WDFY3: variants seen among roughly 807,000 people sequenced by gnomAD.
The protein encoded by WDFY3 is WD repeat and FYVE domain containing 3.
A neutral mutation model predicts 409.6 loss-of-function variants in WDFY3; 66 were observed. The ratio of observed to expected loss-of-function variants is 0.16; its 90% CI spans 0.13 to 0.20. The LOEUF (loss-of-function observed/expected upper bound fraction) is 0.20. Among genes scored for constraint, WDFY3 ranks in the 10% least tolerant of loss-of-function variants. The pLI is 1.00. For missense variants in WDFY3, 3,031 were observed against 4,298.1 expected (o/e 0.71, Z 8.24); for synonymous variants, 1,521 against 1,537.1 (o/e 0.99, Z 0.25).
chr4:84,762,924 C>T (rs1308474941), intron 32 of WDFY3, among the ~76,000 whole-genome samples: 1 of 151,646 alleles, frequency 6.6e-6, no homozygotes, highest in Non-Finnish European at 1.5e-5. Flanking sequence ...CTAGCCTGGA[C>T]CACATAACAA....
intron 53 of WDFY3, among the ~76,000 whole-genome samples, chr4:84,707,977 T>C (rs1346317621): frequency 2.0e-5 from 3 of 152,216 alleles, no homozygotes; most frequent in African/African-American, 7.2e-5. Context: ...GGATAAGCAG[T>C]CATGATTCTA....
At chr4:84,678,464 G>C (rs1375887303) in intron 65 of WDFY3, among the ~76,000 whole-genome samples, 185 bp from the exon 66 acceptor site, 1 of 152,182 alleles carries the variant, frequency 6.6e-6, no homozygotes, top group East Asian at 1.9e-4. Flanking sequence ...ATTAACATGG[G>C]CCAGGCTGGA....
Position 84,810,112 on chromosome 4 carries a change from T to C in WDFY3, c.2120A>G (p.Lys707Arg), listed in dbSNP as rs770836364. Residue 707 changes from lysine (K) to arginine (R), a missense_variant, in exon 14 of 68, where the codon AAA becomes AGA. Coordinates refer to ENST00000295888, the MANE Select transcript of WDFY3 (RefSeq NM_014991.6). ...CAACTTCTCATACTGAATCTCTGTT[T>C]TGAAGAAATGAGAGTTGGCTGGCTC... ...RYEPANSHFF[K>R]TEIQYEKLAD... 2 of 1,614,164 alleles carry C rather than the reference T, an allele frequency of 1.2e-6. No homozygotes were observed. Among genetic ancestry groups the C allele is most frequent in the Non-Finnish European group, 1.7e-6 (2 of 1,180,002 alleles).
At chr4:84,963,624 A>AATTT (rs1775220843) in intron 1 of WDFY3, among the ~76,000 whole-genome samples, 2 of 152,188 alleles carry the variant, frequency 1.3e-5, no homozygotes, top group Non-Finnish European at 2.9e-5. Context: ...CAGGGCTCTA[A>AATTT]AATCTTATGA....
rs569246629 is a variant in WDFY3, at chr4:84,715,585, T to C, written c.7876-202A>G. On this transcript the variant is annotated intron_variant, in intron 49 of 67. Coordinates refer to ENST00000295888, the MANE Select transcript of WDFY3 (RefSeq NM_014991.6). Reference sequence around the variant, plus strand: ...GTCAGGAGATCGAGACCATCCTGGCTAACACAGTGAAACCCCGTCTCTACT... The same window carrying C: ...GTCAGGAGATCGAGACCATCCTGGCCAACACAGTGAAACCCCGTCTCTACT... Among the ~76,000 whole-genome samples the C allele has an allele frequency of 5.5e-3, 838 of 151,988 alleles. 6 individuals are homozygous for C. Among genetic ancestry groups the C allele is most frequent in the Non-Finnish European group, 8.3e-3 (563 of 67,950 alleles).
intron 1 of WDFY3, among the ~76,000 whole-genome samples, chr4:84,961,325 T>C (rs1177999342): frequency 1.3e-5 from 2 of 152,116 alleles, no homozygotes; most frequent in Non-Finnish European, 2.9e-5. Context: ...TTACAGAACT[T>C]GGTGAAATCC....
At chr4:84,822,814 T>C (rs1754277269) in intron 10 of WDFY3, among the ~76,000 whole-genome samples, 1 of 152,170 alleles carries the variant, frequency 6.6e-6, no homozygotes, top group Non-Finnish European at 1.5e-5. Flanking sequence ...CTATATATGA[T>C]TTCAATTCTC....
At chr4:84,713,059 G>A in intron 51 of WDFY3, 100 bp downstream of exon 51, 1 of 1,324,358 alleles carries the variant, frequency 7.6e-7, no homozygotes, top group Non-Finnish European at 1.1e-6. Context: ...GCAACCACCA[G>A]GGGAAAAACA....
At chr4:84,941,621 T>C (rs1341167493) in intron 1 of WDFY3, among the ~76,000 whole-genome samples, 2 of 152,068 alleles carry the variant, frequency 1.3e-5, no homozygotes, top group Admixed American at 1.3e-4. Flanking sequence ...TACCTATAGA[T>C]TCAATGCAAT....
chr4:84,780,351 A>G (rs1403820402), intron 25 of WDFY3, 53 bp from the exon 26 acceptor site: 1 of 1,511,210 alleles, frequency 6.6e-7, no homozygotes, highest in African/African-American at 1.4e-5. Context: ...TGTGAACAAG[A>G]ACTGTATACA....
At chr4:84,740,119 A>T (rs1738145473) in intron 39 of WDFY3, 68 bp downstream of exon 39, 1 of 1,486,074 alleles carries the variant, frequency 6.7e-7, no homozygotes, top group Non-Finnish European at 9.3e-7. Flanking sequence ...ATCAAAAAAA[A>T]TAAAGAATTT....
At chr4:84,943,666 A>G (rs1772431914) in intron 1 of WDFY3, among the ~76,000 whole-genome samples, 1 of 152,152 alleles carries the variant, frequency 6.6e-6, no homozygotes, top group Non-Finnish European at 1.5e-5. Context: ...TAGCCCCAAC[A>G]TGGTTCAAAG....
intron 56 of WDFY3, among the ~76,000 whole-genome samples, chr4:84,700,024 T>C (rs183661449): frequency 3.9e-5 from 6 of 152,200 alleles, no homozygotes; most frequent in Admixed American, 3.3e-4. Context: ...ATTTTCTTGG[T>C]AACATTCTTG....
At position 84,810,333 on chromosome 4, in the gene WDFY3, C is replaced by G. The variant is rs575820665; in HGVS notation, c.1899G>C (p.Ser633=). The part of the protein sequence containing the change: ...LKTDILRALL[S]VLRESHRSRT... ...TTGAACGATGGCTTTCTCGAAGGAC[C>G]GACAGGAGGGCCTACAGGAGACAAA... Residue 633 remains serine, a synonymous_variant, in exon 14 of 68, where the codon TCG becomes TCC. Coordinates refer to ENST00000295888, the MANE Select transcript of WDFY3 (RefSeq NM_014991.6). 6.3e-7 allele frequency: 1 copy of G among 1,598,124 alleles called. No individual in the cohort carries two copies. Among genetic ancestry groups the G allele is most frequent in the East Asian group, 2.2e-5 (1 of 44,530 alleles).
chr4:84,704,020 G>A (rs775048058), intron 55 of WDFY3, among the ~76,000 whole-genome samples: 3 of 152,106 alleles, frequency 2.0e-5, no homozygotes, highest in Admixed American at 2.0e-4. Flanking sequence ...AATTATAATC[G>A]AGGAAACAGA....
intron 2 of WDFY3, among the ~76,000 whole-genome samples, chr4:84,900,629 G>A (rs893112849): frequency 1.3e-5 from 2 of 152,126 alleles, no homozygotes; most frequent in East Asian, 3.8e-4. Context: ...TGGTGTTCTT[G>A]AAAAAAACTA....
rs1560728557 is a variant in WDFY3, at chr4:84,775,488, G to C, written c.4519-350C>G. 3.3e-5 allele frequency among the ~76,000 whole-genome samples: 5 copies of C among 151,548 alleles called. No homozygotes were observed. The South Asian group carries it at 1.0e-3, about 32-fold the overall frequency. On this transcript the variant is annotated intron_variant, in intron 27 of 67. Transcript: ENST00000295888. ...AAATATTTAAAATGAAAAATATACT[G>C]GACGGCATTAATAGTAGATGAGATA...
At chr4:84,749,261 T>C (rs911440706) in intron 36 of WDFY3, among the ~76,000 whole-genome samples, 10 of 152,206 alleles carry the variant, frequency 6.6e-5, no homozygotes, top group African/African-American at 2.4e-4. Flanking sequence ...ATGTTTATAA[T>C]TTATTCTGTT....
intron 1 of WDFY3, among the ~76,000 whole-genome samples, chr4:84,961,102 C>G (rs567286991): frequency 6.6e-6 from 1 of 151,852 alleles, no homozygotes; most frequent in East Asian, 1.9e-4. Flanking sequence ...GTAATTCCAG[C>G]TACTCGGGTG....
Sources: allele counts gnomAD v4.1 joint callset (sites outside exome capture counted in the v4.1 genomes callset), GRCh38; gene constraint gnomAD v4.1.1; transcripts MANE v1.5; gene names NCBI Gene and HGNC (gene_info 2026-07-23, HGNC 2026-07-21).